Variants in ALK observed in about 807,000 individuals in gnomAD.
The protein encoded by ALK is ALK receptor tyrosine kinase.
In ALK, 74 loss-of-function variants were observed where a neutral mutation model predicts 163.1. The observed-to-expected ratio is 0.45, with a 90% confidence interval of 0.38 to 0.55. The LOEUF (loss-of-function observed/expected upper bound fraction) is 0.55. Among genes scored for constraint, ALK ranks in the 20% least tolerant of loss-of-function variants. ALK has a pLI of 0.00. For synonymous variants in ALK, 960 were observed against 843.2 expected (o/e 1.14, Z -2.40); for missense variants, 2,063 against 2,105.3 (o/e 0.98, Z 0.39).
intron 25 of ALK, among the ~76,000 whole-genome samples, chr2:29,208,892 G>A (rs1669385243): frequency 6.6e-6 from 1 of 151,598 alleles, no homozygotes; most frequent in African/African-American, 2.4e-5. Context: ...TACAATTAAA[G>A]TAGTATTAGC....
At chr2:29,445,694 T>G (rs1365517732) in intron 4 of ALK, among the ~76,000 whole-genome samples, 1 of 152,100 alleles carries the variant, frequency 6.6e-6, no homozygotes, top group Non-Finnish European at 1.5e-5. Flanking sequence ...TGGTGGCAGA[T>G]GCCTGTAGTC....
In ALK at chr2:29,637,540, C is replaced by T. The variant is rs79329280; in HGVS notation, c.952+57310G>A. On this transcript the variant is annotated intron_variant, in intron 3 of 28. Coordinates refer to ENST00000389048, the MANE Select transcript of ALK (RefSeq NM_004304.5). ...CCTGGCCAACATGGTGAAATCCCTTCTCTACTAAAAAATACAAAATTAGCC... is the reference window on the plus strand; with the variant it reads ...CCTGGCCAACATGGTGAAATCCCTTTTCTACTAAAAAATACAAAATTAGCC... 9.2e-3 allele frequency among the ~76,000 whole-genome samples: 1,405 copies of T among 152,018 alleles called. 82 individuals carry two copies. The East Asian group carries it at 0.15, about 17-fold the overall frequency.
chr2:29,429,302 G>T (rs915176575), intron 4 of ALK, among the ~76,000 whole-genome samples: 6 of 151,910 alleles, frequency 3.9e-5, no homozygotes, highest in Non-Finnish European at 8.8e-5. Flanking sequence ...AGACTGAAAA[G>T]AAAGAAGGAT....
At chr2:29,396,010 C>G (rs1044163132) in intron 4 of ALK, among the ~76,000 whole-genome samples, 1 of 127,210 alleles carries the variant, frequency 7.9e-6, no homozygotes, top group African/African-American at 2.6e-5. Context: ...CTTTTTCTCT[C>G]GTTAACCTGT....
intron 1 of ALK, among the ~76,000 whole-genome samples, chr2:29,804,913 T>C (rs886707480): frequency 6.6e-6 from 1 of 152,210 alleles, no homozygotes; most frequent in Non-Finnish European, 1.5e-5. Context: ...TTATGGTGCG[T>C]TGATTGTCCT....
At chr2:29,774,582 G>A (rs557790223) in intron 1 of ALK, among the ~76,000 whole-genome samples, 22 of 152,270 alleles carry the variant, frequency 1.4e-4, no homozygotes, top group African/African-American at 5.1e-4. Context: ...CTTGACCAAG[G>A]TCCTAGGGCA....
chr2:29,661,362 T>G (rs573856009), intron 3 of ALK, among the ~76,000 whole-genome samples: 7 of 152,260 alleles, frequency 4.6e-5, no homozygotes, highest in African/African-American at 1.7e-4. Flanking sequence ...AGAGAGGCAT[T>G]GCCATTTTGC....
chr2:29,650,797 G>A (rs1363173033), intron 3 of ALK, among the ~76,000 whole-genome samples: 1 of 152,118 alleles, frequency 6.6e-6, no homozygotes, highest in Non-Finnish European at 1.5e-5. Flanking sequence ...GCAAGTGAAA[G>A]TGTGTGCCCC....
At chr2:29,253,520 G>A (rs1664875310) in intron 11 of ALK, among the ~76,000 whole-genome samples, 1 of 152,280 alleles carries the variant, frequency 6.6e-6, no homozygotes, top group Non-Finnish European at 1.5e-5. Context: ...CTGTACCCAA[G>A]GCTGGTGCTG....
chr2:29,459,321 C>T (rs182456353), intron 4 of ALK, among the ~76,000 whole-genome samples: 1 of 152,216 alleles, frequency 6.6e-6, no homozygotes, highest in Admixed American at 6.5e-5. Context: ...ATTTGAAGCA[C>T]ATGGCAGCCA....
intron 4 of ALK, among the ~76,000 whole-genome samples, chr2:29,418,381 G>A (rs1230071488): frequency 6.6e-6 from 1 of 152,118 alleles, no homozygotes; most frequent in Non-Finnish European, 1.5e-5. Context: ...GGAGTCCAGA[G>A]GAAAACACAG....
chr2:29,599,425 G>T (rs1377600815), intron 3 of ALK, among the ~76,000 whole-genome samples: 1 of 152,194 alleles, frequency 6.6e-6, no homozygotes, highest in Non-Finnish European at 1.5e-5. Context: ...CTTAATAGAG[G>T]ACGTGGAGTC....
At chr2:29,781,739 G>A (rs2148350931) in intron 1 of ALK, among the ~76,000 whole-genome samples, 1 of 152,314 alleles carries the variant, frequency 6.6e-6, no homozygotes, top group African/African-American at 2.4e-5. Flanking sequence ...TTTTGCAAGA[G>A]AAAAAGCTGG....
At chr2:29,329,874 A>G (rs1272093402) in intron 5 of ALK, among the ~76,000 whole-genome samples, 6 of 152,180 alleles carry the variant, frequency 3.9e-5, no homozygotes, top group Admixed American at 2.0e-4. Flanking sequence ...TCCATTTCCT[A>G]AGTGGGAAAA....
intron 3 of ALK, among the ~76,000 whole-genome samples, chr2:29,648,655 C>T (rs1676953421): frequency 6.6e-6 from 1 of 152,138 alleles, no homozygotes; most frequent in Non-Finnish European, 1.5e-5. Flanking sequence ...TTATTTCAAG[C>T]CTCACTCATG....
At chr2:29,300,503 C>T (rs566442900) in intron 8 of ALK, among the ~76,000 whole-genome samples, 6 of 144,436 alleles carry the variant, frequency 4.2e-5, no homozygotes, top group African/African-American at 7.7e-5. Context: ...TGCAGTGAGC[C>T]GAGATTGTGC....
chr2:29,412,433 G>A (rs1473586931), intron 4 of ALK, among the ~76,000 whole-genome samples: 2 of 152,120 alleles, frequency 1.3e-5, no homozygotes, highest in Non-Finnish European at 2.9e-5. Flanking sequence ...GCTCTAGTCT[G>A]CACCATTGCT....
chr2:29,318,628 G>A (rs535136853), intron 7 of ALK, among the ~76,000 whole-genome samples: 29 of 150,990 alleles, frequency 1.9e-4, no homozygotes, highest in Non-Finnish European at 3.4e-4. Flanking sequence ...GTGCAGTGGC[G>A]CGATCTTGGC....
chr2:29,894,796 G>A (rs998235825), intron 1 of ALK, among the ~76,000 whole-genome samples: 5 of 151,280 alleles, frequency 3.3e-5, no homozygotes, highest in Admixed American at 6.6e-5. Context: ...GGAGGATGAC[G>A]GGAACATACT....
Sources: gnomAD v4.1 joint callset for allele counts (sites outside exome capture counted in the v4.1 genomes callset) on GRCh38, gnomAD v4.1.1 for gene constraint, MANE v1.5 for transcripts, NCBI Gene and HGNC (gene_info 2026-07-23, HGNC 2026-07-21) for gene names.